Variants in PCDHGA7 observed in about 807,000 individuals in gnomAD.
The protein encoded by PCDHGA7 is protocadherin gamma-A7.
PCDHGA7 carries 44 observed loss-of-function variants against 58.3 expected under a neutral mutation model. That is an observed-to-expected ratio of 0.75 (90% CI 0.59 to 0.97). PCDHGA7 has a LOEUF of 0.97. PCDHGA7 is among the 50% of genes least tolerant of loss of function. The pLI is 0.00. For missense variants in PCDHGA7, 1,266 were observed against 1,188.7 expected (o/e 1.06, Z -0.96); for synonymous variants, 516 against 504.2 (o/e 1.02, Z -0.31).
chr5:141,451,326 G>T (rs189445228), intron 1 of PCDHGA7, among the ~76,000 whole-genome samples: 3 of 152,278 alleles, frequency 2.0e-5, no homozygotes, highest in Admixed American at 2.0e-4. Context: ...GTCACCTAAG[G>T]CTATTGTCTT....
intron 1 of PCDHGA7, chr5:141,418,421 G>A (rs776535087): frequency 2.5e-6 from 4 of 1,613,966 alleles, no homozygotes; most frequent in Non-Finnish European, 3.4e-6. Flanking sequence ...CAATCCTGAT[G>A]GTGGCAAATA....
intron 1 of PCDHGA7, among the ~76,000 whole-genome samples, chr5:141,443,726 TAC>T: frequency 6.6e-6 from 1 of 152,262 alleles, no homozygotes; most frequent in Admixed American, 6.5e-5. Flanking sequence ...AAATTCCTCA[TAC>T]ATTTCCCTAT....
At position 141,389,844 on chromosome 5, in the gene PCDHGA7, G is replaced by A. The variant is rs558691778; in HGVS notation, c.2424+4521G>A. 80 of 1,614,014 alleles carry A rather than the reference G, an allele frequency of 5.0e-5. No homozygotes were observed. The Admixed American group carries it at 1.3e-3, about 27-fold the overall frequency. On this transcript the variant is annotated intron_variant, in intron 1 of 3. Coordinates refer to ENST00000518325, the MANE Select transcript of PCDHGA7 (RefSeq NM_018920.4). ...TGACGGTGGACAGCCACCACTCTCGGCCACTGCCACGTTGCACCTGGTCTT... is the reference window on the plus strand; with the variant it reads ...TGACGGTGGACAGCCACCACTCTCGACCACTGCCACGTTGCACCTGGTCTT...
At position 141,512,630 on chromosome 5, in the gene PCDHGA7, G is replaced by C. The variant is rs1335322474; in HGVS notation, c.*1457G>C. On this transcript the variant is annotated 3_prime_UTR_variant, in exon 4 of 4. Transcript: ENST00000518325. ...GGGGCTGCCAGAGAACCCCAGACCT[G>C]CCCTTACAGTAGTGTAGCGCCCCCT... The C allele has an allele frequency of 6.5e-6, 1 of 152,888 alleles. No individual in the cohort carries two copies. Among genetic ancestry groups the C allele is most frequent in the Non-Finnish European group, 1.5e-5 (1 of 68,576 alleles). 9.5% of individuals were successfully genotyped at this position (152,888 alleles called of 1,614,324 possible).
intron 3 of PCDHGA7, 79 bp downstream of exon 3, chr5:141,505,560 G>A: frequency 6.2e-7 from 1 of 1,604,768 alleles, no homozygotes; most frequent in South Asian, 1.1e-5. Context: ...CATGCCCACG[G>A]ACTGGATGTC....
chr5:141,492,740 C>T (rs1364102818), intron 1 of PCDHGA7, among the ~76,000 whole-genome samples: 1 of 152,238 alleles, frequency 6.6e-6, no homozygotes, highest in African/African-American at 2.4e-5. Context: ...GCCCAGTGGC[C>T]GAGGCGCGGC....
intron 1 of PCDHGA7, chr5:141,428,099 C>T: frequency 6.8e-6 from 11 of 1,608,710 alleles, no homozygotes; most frequent in East Asian, 2.2e-5. Context: ...TGTCCTACCA[C>T]GTGCTGCAGG....
At chr5:141,502,030 C>T (rs1031787021) in intron 2 of PCDHGA7, among the ~76,000 whole-genome samples, 4 of 152,180 alleles carry the variant, frequency 2.6e-5, no homozygotes, top group Non-Finnish European at 4.4e-5. Flanking sequence ...CAACCCCCGC[C>T]GCTTGCCTGC....
At chr5:141,465,852 G>A (rs1250863307) in intron 1 of PCDHGA7, among the ~76,000 whole-genome samples, 1 of 151,996 alleles carries the variant, frequency 6.6e-6, no homozygotes, top group East Asian at 1.9e-4. Context: ...GCTGGGCCCA[G>A]TGGCTCATGC....
chr5:141,468,226 G>T (rs967204965), intron 1 of PCDHGA7, among the ~76,000 whole-genome samples: 2 of 151,038 alleles, frequency 1.3e-5, no homozygotes, highest in Admixed American at 1.3e-4. Flanking sequence ...TTGGGAGGAT[G>T]AGGTAGGAGA....
chr5:141,392,060 G>A (rs537832041), intron 1 of PCDHGA7: 11 of 151,956 alleles, frequency 7.2e-5, no homozygotes, highest in Non-Finnish European at 1.5e-4. Context: ...AAATATTATC[G>A]ACATGTAATT....
At chr5:141,482,458 C>T (rs986628162) in intron 1 of PCDHGA7, among the ~76,000 whole-genome samples, 1 of 147,624 alleles carries the variant, frequency 6.8e-6, no homozygotes, top group Non-Finnish European at 1.5e-5. Context: ...ATTAGCATCC[C>T]TATGTGCCAG....
intron 1 of PCDHGA7, among the ~76,000 whole-genome samples, chr5:141,449,588 C>CAA (rs768743917): frequency 2.4e-4 from 14 of 57,430 alleles, no homozygotes; most frequent in Non-Finnish European, 3.7e-4. Flanking sequence ...GACTCTGTCT[C>CAA]AAAAAAAAAA....
rs1259021130 is a variant in PCDHGA7 at position 141,485,083 on chromosome 5, G to C, written c.2425-9724G>C. ...GCGCCAGAGCTGGCGCGGGGAAAGG[G>C]AGATAGGTGTCTCCAGCTGCTGTGG... On this transcript the variant is annotated intron_variant, in intron 1 of 3. Coordinates refer to ENST00000518325, the MANE Select transcript of PCDHGA7 (RefSeq NM_018920.4). The surrounding 1 kb of genome is among the most constrained non-coding windows in gnomAD (Gnocchi z 5.7). The C allele has an allele frequency of 1.0e-6, 1 of 989,386 alleles. No homozygotes were observed. The highest frequency in any genetic ancestry group is 1.6e-5 in the African/African-American group (1 of 61,992). 61.3% of individuals were successfully genotyped at this position (989,386 alleles called of 1,614,324 possible).
intron 1 of PCDHGA7, chr5:141,410,014 G>C (rs1185262301): frequency 1.2e-6 from 2 of 1,613,296 alleles, no homozygotes. Context: ...ACGCCTGGCT[G>C]TCCTACCACG....
intron 1 of PCDHGA7, among the ~76,000 whole-genome samples, chr5:141,445,544 T>C (rs1223868698): frequency 6.6e-6 from 1 of 152,126 alleles, no homozygotes; most frequent in Non-Finnish European, 1.5e-5. Context: ...CAAGGAGAAA[T>C]ACAAAAGCAC....
chr5:141,503,221 C>T (rs528636727), intron 2 of PCDHGA7, among the ~76,000 whole-genome samples: 34 of 152,074 alleles, frequency 2.2e-4, no homozygotes, highest in Middle Eastern at 6.8e-3. Flanking sequence ...CCATGAGCAC[C>T]GTAAAGATGG....
intron 1 of PCDHGA7, among the ~76,000 whole-genome samples, chr5:141,420,686 C>T (rs781004859): frequency 1.3e-4 from 20 of 152,258 alleles, no homozygotes; most frequent in Admixed American, 4.6e-4. Context: ...TTATCGGGAC[C>T]GTATTATTTC....
intron 1 of PCDHGA7, chr5:141,478,760 C>T (rs1472984737): frequency 1.5e-5 from 23 of 1,510,888 alleles, no homozygotes; most frequent in Non-Finnish European, 1.9e-5. Context: ...GGGGAAGATA[C>T]TTGACTCATC....
Sources: gnomAD v4.1 joint callset for allele counts (sites outside exome capture counted in the v4.1 genomes callset) on GRCh38, gnomAD v4.1.1 for gene constraint, Gnocchi (gnomAD v3.1) non-coding constraint, MANE v1.5 for transcripts, NCBI Gene and HGNC (gene_info 2026-07-23, HGNC 2026-07-21) for gene names.